Variants in TEX14 observed in about 807,000 individuals in gnomAD.
TEX14 encodes inactive serine/threonine-protein kinase TEX14.
Under a neutral mutation model 178.6 loss-of-function variants are expected in TEX14, and 168 were observed. The observed-to-expected ratio is 0.94, with a 90% CI of 0.83 to 1.07. The LOEUF (loss-of-function observed/expected upper bound fraction) is 1.07. TEX14 is among the 50% of genes least tolerant of loss of function. TEX14 has a pLI of 0.00. For synonymous variants in TEX14, 626 were observed against 634.1 expected (o/e 0.99, Z 0.19); for missense variants, 1,730 against 1,753.6 (o/e 0.99, Z 0.24).
At position 58,615,276 on chromosome 17, in the gene TEX14, C is replaced by A; in HGVS notation, c.837G>T (p.Arg279Ser). 1 of 1,613,870 alleles carries A rather than the reference C, an allele frequency of 6.2e-7. No homozygotes were observed. The highest frequency in any genetic ancestry group is 1.1e-5 in the South Asian group (1 of 91,056). Residue 279 changes from arginine (R) to serine (S), a missense_variant, in exon 8 of 32, where the codon AGG becomes AGT. Coordinates refer to ENST00000349033, the MANE Select transcript of TEX14 (RefSeq NM_031272.5). Reference protein sequence around the residue: ...LNLPTHPHCSRLRLADLLIAE... With the variant: ...LNLPTHPHCSSLRLADLLIAE... ...CAATTAACAAGTCGGCCAGCCGCAG[C>A]CTGCTGCAGTGTGGGTGGGTGGGGA...
At chr17:58,680,655 G>C (rs529196067) in intron 1 of TEX14, among the ~76,000 whole-genome samples, 84 of 152,132 alleles carry the variant, frequency 5.5e-4, no homozygotes, top group Admixed American at 1.2e-3. Flanking sequence ...AGAACCTCTT[G>C]AACCTAGGAG....
chr17:58,623,751 A>G (rs1162940572), intron 3 of TEX14, among the ~76,000 whole-genome samples: 1 of 147,210 alleles, frequency 6.8e-6, no homozygotes, highest in Non-Finnish European at 1.5e-5. Flanking sequence ...AAAAAGAAGA[A>G]GAAAGAAGGA....
At chr17:58,615,836 T>C (rs1042498301) in intron 7 of TEX14, among the ~76,000 whole-genome samples, 2 of 152,204 alleles carry the variant, frequency 1.3e-5, no homozygotes, top group African/African-American at 2.4e-5. Context: ...TAATGAGTAA[T>C]CTTTCAGAGC....
At chr17:58,646,337 C>T (rs1185083001) in intron 2 of TEX14, among the ~76,000 whole-genome samples, 1 of 152,088 alleles carries the variant, frequency 6.6e-6, no homozygotes, top group Non-Finnish European at 1.5e-5. Context: ...TTCCAATAGC[C>T]CACAAGGCTC....
chr17:58,559,118 C>T (rs2044218023), intron 30 of TEX14, among the ~76,000 whole-genome samples: 3 of 152,010 alleles, frequency 2.0e-5, no homozygotes, highest in South Asian at 4.2e-4. Context: ...TGCGATGAGC[C>T]GAGATCGTGC....
rs570087396 is a variant in TEX14, at chr17:58,601,191, G to A, written c.1678+615C>T. On this transcript the variant is annotated intron_variant, in intron 13 of 31. Transcript: ENST00000349033. ...GCTTGAGTTCAGGAGTTCAAGACCA[G>A]CCTGGGCAACATCGTGAGACCTTGT... 2.0e-3 allele frequency among the ~76,000 whole-genome samples: 309 copies of A among 152,048 alleles called. 3 individuals are homozygous for A. Among genetic ancestry groups the A allele is most frequent in the Non-Finnish European group, 3.2e-4 (22 of 68,002 alleles).
At chr17:58,618,111 C>G (rs2144535645) in intron 5 of TEX14, among the ~76,000 whole-genome samples, 1 of 152,320 alleles carries the variant, frequency 6.6e-6, no homozygotes, top group South Asian at 2.1e-4. Context: ...AACATCTTAA[C>G]TGCAACTTCA....
Position 58,599,094 on chromosome 17 carries a change from T to C in TEX14, c.2251A>G (p.Ile751Val). 6.2e-7 allele frequency: 1 copy of C among 1,614,196 alleles called. No homozygotes were observed. The highest frequency in any genetic ancestry group is 8.5e-7 in the Non-Finnish European group (1 of 1,180,018). Residue 751 changes from isoleucine to valine, a missense_variant, in exon 14 of 32, where the codon ATC (isoleucine) becomes GTC (valine). Physicochemically the swap from Ile to Val is conservative, Grantham distance 29. Around this residue, in one of 2 missense-constraint regions of TEX14, gnomAD observed 941 missense variants for 1,072.4 expected, o/e 0.88. Coordinates refer to ENST00000349033, the MANE Select transcript of TEX14 (RefSeq NM_031272.5). Reference protein sequence around the residue: ...MHENDDRLRNIEQILDEVEMK... With the variant: ...MHENDDRLRNVEQILDEVEMK... Reference sequence around the variant, plus strand: ...TCGACTTCATCTAATATCTGCTCGATATTCCTCAGCCTATCATCATTCTCG... The same window carrying C: ...TCGACTTCATCTAATATCTGCTCGACATTCCTCAGCCTATCATCATTCTCG...
intron 21 of TEX14, among the ~76,000 whole-genome samples, chr17:58,575,063 T>C (rs73993686): frequency 0.019 from 2,947 of 152,004 alleles, 98 homozygotes; most frequent in African/African-American, 0.067. Context: ...CAGTACTCAC[T>C]GAACATTAAC....
intron 26 of TEX14, among the ~76,000 whole-genome samples, chr17:58,568,446 TGCCCC>T (rs1248628227): frequency 6.6e-6 from 1 of 152,120 alleles, no homozygotes; most frequent in Non-Finnish European, 1.5e-5. Flanking sequence ...AACCAAGGGG[TGCCCC>T]TCAGGAAATT....
At chr17:58,659,251 C>G (rs117643324) in intron 1 of TEX14, 1 of 694,796 alleles carries the variant, frequency 1.4e-6, no homozygotes, top group Non-Finnish European at 1.7e-6. Flanking sequence ...AAACCCTCCC[C>G]CAAGAAAAAC....
At chr17:58,611,800 G>C (rs2045752030) in intron 9 of TEX14, among the ~76,000 whole-genome samples, 1 of 152,204 alleles carries the variant, frequency 6.6e-6, no homozygotes, top group African/African-American at 2.4e-5. Flanking sequence ...TGCCTCCTAA[G>C]GGGACAGAAA....
chr17:58,664,355 G>A lies in TEX14; in HGVS notation c.-1-12353C>T, dbSNP rs571698306. Among the ~76,000 whole-genome samples, 17 of 152,248 alleles carry A rather than the reference G, an allele frequency of 1.1e-4. No homozygotes were observed. The South Asian group carries it at 3.5e-3, about 32-fold the overall frequency. On this transcript the variant is annotated intron_variant, in intron 1 of 31. Coordinates refer to ENST00000349033, the MANE Select transcript of TEX14 (RefSeq NM_031272.5). ...GGTACTAACAGACCCTTTTTCCTAT[G>A]CTGGGAGAACTCCATTTCTGATGAC...
In TEX14 at chr17:58,570,371, T is replaced by A. The variant is rs771554111; in HGVS notation, c.3817+14A>T. 16 of 1,479,860 alleles carry A rather than the reference T, an allele frequency of 1.1e-5. No individual in the cohort carries two copies. The highest frequency in any genetic ancestry group is 1.4e-5 in the Non-Finnish European group (16 of 1,121,598). The allele number at this position is 1,479,860 out of a possible 1,614,324, so 91.7% of individuals were successfully genotyped here. ...TGATTATAAACTTCTATTTTGATAT[T>A]AAACACAGGGTACCTTTAGGCAGGC... On this transcript the variant is annotated intron_variant, in intron 25 of 31. Coordinates refer to ENST00000349033, the MANE Select transcript of TEX14 (RefSeq NM_031272.5).
At chr17:58,654,238 G>T (rs2046901727) in intron 1 of TEX14, among the ~76,000 whole-genome samples, 1 of 152,090 alleles carries the variant, frequency 6.6e-6, no homozygotes, top group Non-Finnish European at 1.5e-5. Flanking sequence ...GGGCTGGAAT[G>T]CAAAAACAAA....
At chr17:58,627,990 A>G (rs2046188437) in intron 3 of TEX14, among the ~76,000 whole-genome samples, 1 of 138,416 alleles carries the variant, frequency 7.2e-6, no homozygotes, top group Non-Finnish European at 1.5e-5. Flanking sequence ...CCTGGGCTCG[A>G]GCAATCCTCC....
rs563201705 is a variant in TEX14, at chr17:58,600,712, G to A, written c.1679-1046C>T. Among the ~76,000 whole-genome samples the A allele has an allele frequency of 9.9e-5, 15 of 152,208 alleles. No individual in the cohort carries two copies. In the South Asian group the frequency reaches 3.1e-3, roughly 32 times the overall value. Reference sequence around the variant, plus strand: ...CAGAGAATGGGACTAAGCTGTCAAAGTAATGAGGTTACAGGGCCACTCTGG... The same window carrying A: ...CAGAGAATGGGACTAAGCTGTCAAAATAATGAGGTTACAGGGCCACTCTGG... On this transcript the variant is annotated intron_variant, in intron 13 of 31. Transcript: ENST00000349033.
chr17:58,593,427 C>G, intron 15 of TEX14, 128 bp downstream of exon 15: 1 of 712,178 alleles, frequency 1.4e-6, no homozygotes, highest in Middle Eastern at 2.5e-4. Flanking sequence ...ACCTGCCAAT[C>G]TGCATTACTC....
At chr17:58,641,695 C>T (rs2046580887) in intron 2 of TEX14, among the ~76,000 whole-genome samples, 1 of 151,848 alleles carries the variant, frequency 6.6e-6, no homozygotes. Flanking sequence ...TTAGTAGAGA[C>T]AGGGTTTCTC....
Sources: gnomAD v4.1 joint callset for allele counts (sites outside exome capture counted in the v4.1 genomes callset) on GRCh38, gnomAD v4.1.1 for gene constraint, gnomAD v4.1.1 regional missense constraint, MANE v1.5 for transcripts, NCBI Gene and HGNC (gene_info 2026-07-23, HGNC 2026-07-21) for gene names.